LAMC1: variants seen among roughly 807,000 people sequenced by gnomAD.
The protein encoded by LAMC1 is laminin subunit gamma-1.
LAMC1 carries 38 observed loss-of-function variants against 173.6 expected under a neutral mutation model. The ratio of observed to expected loss-of-function variants is 0.22; its 90% CI spans 0.17 to 0.29. The LOEUF (loss-of-function observed/expected upper bound fraction) is 0.29. Among genes scored for constraint, LAMC1 ranks in the 10% least tolerant of loss-of-function variants. The pLI is 1.00. For synonymous variants in LAMC1, 746 were observed against 749.1 expected (o/e 1.00, Z 0.07); for missense variants, 1,824 against 2,051.8 (o/e 0.89, Z 2.14).
Position 183,103,319 on chromosome 1 carries a change from G to A in LAMC1, c.419-9G>A. On this transcript the variant is annotated splice_polypyrimidine_tract_variant and intron_variant, in intron 1 of 27. Coordinates refer to ENST00000258341, the MANE Select transcript of LAMC1 (RefSeq NM_002293.4). The stretch of plus-strand genomic sequence containing the variant: ...ATGATTTATGACCTTTGATGTGTTT[G>A]TCCCACAGGAAAAGCTTTTGACATC... 15 of 1,610,412 alleles carry A rather than the reference G, an allele frequency of 9.3e-6. No homozygotes were observed. The highest frequency in any genetic ancestry group is 1.3e-5 in the Non-Finnish European group (15 of 1,177,992).
intron 1 of LAMC1, among the ~76,000 whole-genome samples, chr1:183,047,257 C>T (rs924893395): frequency 3.3e-5 from 5 of 151,978 alleles, no homozygotes; most frequent in Non-Finnish European, 5.9e-5. Context: ...CATGTATTTC[C>T]CTAAAAAACA....
chr1:183,036,819 A>AG (rs1653997008), intron 1 of LAMC1, among the ~76,000 whole-genome samples: 1 of 152,048 alleles, frequency 6.6e-6, no homozygotes, highest in Admixed American at 6.6e-5. Context: ...CTTGTCGCCC[A>AG]GGCTGGAGTG....
At position 183,133,457 on chromosome 1, in the gene LAMC1, A is replaced by T. The variant is rs1458160772; in HGVS notation, c.3756A>T (p.Arg1252=). The change falls in exon 22 of 28, where the codon CGA becomes CGT. Residue 1252 remains arginine, a synonymous_variant. Coordinates refer to ENST00000258341, the MANE Select transcript of LAMC1 (RefSeq NM_002293.4). ...ISQDLEKQAA[R]VHEEAKRAGD... Reference sequence around the variant, plus strand: ...AGGATCTGGAAAAACAAGCTGCCCGAGTACATGAGGAGGCCAAAAGGGCCG... The same window carrying T: ...AGGATCTGGAAAAACAAGCTGCCCGTGTACATGAGGAGGCCAAAAGGGCCG... 26 of 1,614,092 alleles carry T rather than the reference A, an allele frequency of 1.6e-5. No individual in the cohort carries two copies. The highest frequency in any genetic ancestry group is 2.1e-5 in the Non-Finnish European group (25 of 1,179,956).
rs1657181062 is a variant in LAMC1 at position 183,143,743 on chromosome 1, G to T, written c.*953G>T. On this transcript the variant is annotated 3_prime_UTR_variant, in exon 28 of 28. Coordinates refer to ENST00000258341, the MANE Select transcript of LAMC1 (RefSeq NM_002293.4). ...TCCCTAAGGTCTTGACAAAACAGAAGAAAAACAAGCCTCCTCGTCCTAGTC... is the reference window on the plus strand; with the variant it reads ...TCCCTAAGGTCTTGACAAAACAGAATAAAAACAAGCCTCCTCGTCCTAGTC... The T allele has an allele frequency of 6.6e-6, 1 of 152,104 alleles. No homozygotes were observed. Among genetic ancestry groups the T allele is most frequent in the African/African-American group, 2.4e-5 (1 of 41,420 alleles). The allele number at this position is 152,104 out of a possible 1,614,324, so 9.4% of individuals were successfully genotyped here. A position where few individuals can be genotyped will look rare whatever the true frequency, so the allele number is the denominator to read the frequency against.
At chr1:183,091,537 A>C (rs1655566603) in intron 1 of LAMC1, among the ~76,000 whole-genome samples, 1 of 151,918 alleles carries the variant, frequency 6.6e-6, no homozygotes, top group African/African-American at 2.4e-5. Context: ...CTATATGAAC[A>C]TCTGGCACTT....
intron 22 of LAMC1, among the ~76,000 whole-genome samples, chr1:183,133,890 TA>T (rs1253394604): frequency 1.3e-5 from 2 of 152,344 alleles, no homozygotes; most frequent in African/African-American, 4.8e-5. Context: ...AAGACTACTT[TA>T]ATGATATGAA....
At chr1:183,061,673 G>A (rs1654748941) in intron 1 of LAMC1, among the ~76,000 whole-genome samples, 1 of 152,088 alleles carries the variant, frequency 6.6e-6, no homozygotes, top group African/African-American at 2.4e-5. Flanking sequence ...TCAGAAATCA[G>A]TTTTGCTCTG....
At chr1:183,039,726 G>A (rs915141587) in intron 1 of LAMC1, among the ~76,000 whole-genome samples, 1 of 152,148 alleles carries the variant, frequency 6.6e-6, no homozygotes, top group South Asian at 2.1e-4. Context: ...TGGCACAGAC[G>A]TCAATGGTGA....
At chr1:183,054,127 A>G (rs139952858) in intron 1 of LAMC1, among the ~76,000 whole-genome samples, 3 of 152,266 alleles carry the variant, frequency 2.0e-5, no homozygotes, top group Non-Finnish European at 2.9e-5. Context: ...AAAGTCATTG[A>G]TTTTCAGGTG....
chr1:183,073,055 C>T (rs914514901), intron 1 of LAMC1, among the ~76,000 whole-genome samples: 1 of 152,112 alleles, frequency 6.6e-6, no homozygotes, highest in Non-Finnish European at 1.5e-5. Flanking sequence ...CATCCTGAAA[C>T]CGGTTCCTGG....
intron 1 of LAMC1, among the ~76,000 whole-genome samples, chr1:183,030,941 C>A (rs917686971): frequency 6.6e-6 from 1 of 152,062 alleles, no homozygotes; most frequent in Non-Finnish European, 1.5e-5. Context: ...ACCATAATTG[C>A]GCCTGTTGAA....
Position 183,122,234 on chromosome 1 carries a change from G to A in LAMC1, c.2384G>A (p.Cys795Tyr). The A allele has an allele frequency of 6.2e-7, 1 of 1,614,098 alleles. No individual in the cohort carries two copies. Among genetic ancestry groups the A allele is most frequent in the Non-Finnish European group, 8.5e-7 (1 of 1,179,998 alleles). ...PKTKEVVCTN[C>Y]PTGTTGKRCE... ...ACAAAGGAGGTGGTGTGCACCAACT[G>A]TCCTACTGGCACCACTGGTAAGTCT... is the stretch of plus-strand genomic sequence containing the variant. The change falls in exon 13 of 28, where the codon TGT becomes TAT. Residue 795 changes from cysteine (C) to tyrosine (Y), a missense_variant. By Grantham distance (194) the Cys-to-Tyr change is radical. Transcript: ENST00000258341.
At chr1:183,136,877 T>C (rs1296657361) in intron 25 of LAMC1, among the ~76,000 whole-genome samples, 1 of 152,220 alleles carries the variant, frequency 6.6e-6, no homozygotes, top group Non-Finnish European at 1.5e-5. Flanking sequence ...AATCAGACTT[T>C]TTCTAAATAA....
intron 1 of LAMC1, among the ~76,000 whole-genome samples, chr1:183,024,686 T>C (rs1253235545): frequency 1.3e-5 from 2 of 152,048 alleles, no homozygotes; most frequent in Admixed American, 6.5e-5. Context: ...TTTGAAGTTA[T>C]TGTTCTTTAT....
At position 183,128,677 on chromosome 1, in the gene LAMC1, A is replaced by T. The variant is rs1171743828; in HGVS notation, c.3207A>T (p.Gln1069His). 6.2e-7 allele frequency: 1 copy of T among 1,613,854 alleles called. No homozygotes were observed. The highest frequency in any genetic ancestry group is 1.7e-5 in the Admixed American group (1 of 60,020). The stretch of plus-strand genomic sequence containing the variant: ...CTGGGGATGAGATGGTGACAGATCA[A>T]GCCTTCGAGGATAGACTAAAGGAAG... ...LGTGDEMVTDQAFEDRLKEAE... is the reference protein window; with the variant it reads ...LGTGDEMVTDHAFEDRLKEAE... Residue 1069 changes from glutamine (Q) to histidine (H), a missense_variant, in exon 18 of 28, where the codon CAA (glutamine) becomes CAT (histidine). Gln to His is a conservative substitution (Grantham distance 24). Transcript: ENST00000258341.
At position 183,125,335 on chromosome 1, in the gene LAMC1, T is replaced by G. The variant is rs1656589857; in HGVS notation, c.2648-62T>G. 1.4e-5 allele frequency: 22 copies of G among 1,566,786 alleles called. No individual in the cohort carries two copies. The South Asian group carries it at 2.3e-4, about 17-fold the overall frequency. ...GTCTAAAGAATCTCTTTAGGTTGTT[T>G]ATATTTTAGTATTTCTCTCAGGTGA... On this transcript the variant is annotated intron_variant, in intron 14 of 27. Coordinates refer to ENST00000258341, the MANE Select transcript of LAMC1 (RefSeq NM_002293.4).
At chr1:183,129,434 A>C (rs1274419269) in intron 18 of LAMC1, among the ~76,000 whole-genome samples, 1 of 152,148 alleles carries the variant, frequency 6.6e-6, no homozygotes, top group East Asian at 1.9e-4. Context: ...TCCAAGCAGG[A>C]CCACCATATA....
At chr1:183,124,016 C>T (rs972172872) in intron 13 of LAMC1, among the ~76,000 whole-genome samples, 12 of 152,178 alleles carry the variant, frequency 7.9e-5, no homozygotes, top group African/African-American at 2.9e-4. Flanking sequence ...GATTCTAGCT[C>T]TCCCTCTCTA....
chr1:183,052,861 AT>A (rs975934197), intron 1 of LAMC1, among the ~76,000 whole-genome samples: 1 of 152,164 alleles, frequency 6.6e-6, no homozygotes, highest in Non-Finnish European at 1.5e-5. Context: ...CTTTATTTCC[AT>A]TTTCTTCTCC....
Sources: allele counts gnomAD v4.1 joint callset (sites outside exome capture counted in the v4.1 genomes callset), GRCh38; gene constraint gnomAD v4.1.1; transcripts MANE v1.5; gene names NCBI Gene and HGNC (gene_info 2026-07-23, HGNC 2026-07-21).